DPP10: variants seen among roughly 807,000 people sequenced by gnomAD.
DPP10 encodes dipeptidyl peptidase like 10.
Under a neutral mutation model 120.9 loss-of-function variants are expected in DPP10, and 33 were observed. The observed-to-expected ratio is 0.27, with a 90% CI of 0.21 to 0.37. The LOEUF is 0.37. DPP10 is among the 10% of genes least tolerant of loss of function. DPP10 has a pLI of 1.00. For missense variants in DPP10, 816 were observed against 942.8 expected, an observed-to-expected ratio of 0.87 and a Z score of 1.76; for synonymous variants, 337 against 326.1, an observed-to-expected ratio of 1.03 and a Z score of -0.36.
intron 1 of DPP10, among the ~76,000 whole-genome samples, chr2:114,952,055 T>A (rs1450189077): frequency 6.6e-6 from 1 of 151,910 alleles, no homozygotes; most frequent in Non-Finnish European, 1.5e-5. Context: ...TTTACACATA[T>A]AATTTCGGTG....
At chr2:115,307,593 A>G (rs1468890269) in intron 1 of DPP10, among the ~76,000 whole-genome samples, 1 of 151,918 alleles carries the variant, frequency 6.6e-6, no homozygotes, top group African/African-American at 2.4e-5. Flanking sequence ...AGTATTTCCC[A>G]ACTTTCAGAC....
chr2:115,283,514 A>G (rs1198360699), intron 1 of DPP10, among the ~76,000 whole-genome samples: 3 of 152,050 alleles, frequency 2.0e-5, no homozygotes, highest in East Asian at 1.9e-4. Flanking sequence ...CTTGATAACT[A>G]TTGCTTATCT....
At chr2:115,379,062 C>T (rs1486787725) in intron 3 of DPP10, among the ~76,000 whole-genome samples, 1 of 152,182 alleles carries the variant, frequency 6.6e-6, no homozygotes, top group Non-Finnish European at 1.5e-5. Flanking sequence ...TGATGCTGGC[C>T]TCATAAAATG....
intron 2 of DPP10, among the ~76,000 whole-genome samples, chr2:115,328,617 G>A (rs1194037679): frequency 6.6e-6 from 1 of 151,998 alleles, no homozygotes; most frequent in East Asian, 1.9e-4. Flanking sequence ...GTTTGTATGG[G>A]TTTTGTGTGT....
chr2:115,335,060 G>A (rs2063040375), intron 2 of DPP10, among the ~76,000 whole-genome samples: 1 of 151,874 alleles, frequency 6.6e-6, no homozygotes, highest in Admixed American at 6.6e-5. Flanking sequence ...AATCATGGTG[G>A]AAGAAAAGGA....
At chr2:115,416,176 C>T (rs80106417) in intron 3 of DPP10, among the ~76,000 whole-genome samples, 1,624 of 152,022 alleles carry the variant, frequency 0.011, 23 homozygotes, top group Non-Finnish European at 0.015. Flanking sequence ...AATGGCCACC[C>T]CAATGGCTGT....
At chr2:114,497,038 T>C (rs185556512) in intron 1 of DPP10, among the ~76,000 whole-genome samples, 7,200 of 130,020 alleles carry the variant, frequency 0.055, 251 homozygotes, top group Middle Eastern at 0.12. Context: ...TATATATACA[T>C]ATATATGCAT....
intron 3 of DPP10, among the ~76,000 whole-genome samples, chr2:115,419,828 A>G (rs2069775606): frequency 6.6e-6 from 1 of 152,192 alleles, no homozygotes; most frequent in African/African-American, 2.4e-5. Context: ...TAAAACCATT[A>G]AAATGTCTCC....
intron 1 of DPP10, among the ~76,000 whole-genome samples, chr2:114,664,287 G>A (rs979644194): frequency 2.0e-5 from 3 of 151,742 alleles, no homozygotes. Flanking sequence ...AAAGCAAGCA[G>A]AAGAGTCATA....
At chr2:114,455,730 T>TTTA (rs1408219363) in intron 1 of DPP10, among the ~76,000 whole-genome samples, 744 of 17,114 alleles carry the variant, frequency 0.043, 8 homozygotes, top group Middle Eastern at 0.25. Flanking sequence ...AATTCATTTG[T>TTTA]TTTTTTTTTT....
chr2:114,598,771 G>A (rs1692130565), intron 1 of DPP10, among the ~76,000 whole-genome samples: 1 of 151,852 alleles, frequency 6.6e-6, no homozygotes. Context: ...GCTTCATTGG[G>A]GGCAGAATCT....
At chr2:114,852,048 A>G (rs1218248450) in intron 1 of DPP10, among the ~76,000 whole-genome samples, 1 of 150,354 alleles carries the variant, frequency 6.7e-6, no homozygotes, top group Non-Finnish European at 1.5e-5. Context: ...TCTGAATACA[A>G]CTCACCTTTG....
chr2:114,514,367 C>T (rs750425146), intron 1 of DPP10, among the ~76,000 whole-genome samples: 1 of 152,154 alleles, frequency 6.6e-6, no homozygotes, highest in Admixed American at 6.5e-5. Context: ...CCTTGGTGTC[C>T]TTAACCCTCA....
At chr2:114,563,477 T>C (rs993790207) in intron 1 of DPP10, among the ~76,000 whole-genome samples, 1 of 152,116 alleles carries the variant, frequency 6.6e-6, no homozygotes, top group African/African-American at 2.4e-5. Context: ...GACCGAGGAA[T>C]GGGCATGCCT....
intron 1 of DPP10, among the ~76,000 whole-genome samples, chr2:114,727,896 T>TAGA (rs1676495831): frequency 6.6e-6 from 1 of 152,186 alleles, no homozygotes; most frequent in Non-Finnish European, 1.5e-5. Context: ...GGTCAGCACA[T>TAGA]CACTTAAAAA....
At chr2:114,630,081 C>T (rs565932743) in intron 1 of DPP10, among the ~76,000 whole-genome samples, 262 of 152,070 alleles carry the variant, frequency 1.7e-3, no homozygotes, top group Non-Finnish European at 2.3e-3. Flanking sequence ...AAAATTTGGA[C>T]GATTATAAAT....
At chr2:115,439,188 T>C (rs113670311) in intron 3 of DPP10, among the ~76,000 whole-genome samples, 2 of 128,004 alleles carry the variant, frequency 1.6e-5, no homozygotes, top group African/African-American at 3.9e-5. Flanking sequence ...TGTGGAATAG[T>C]GGCTAAGATG....
chr2:114,665,993 G>A (rs1697893952), intron 1 of DPP10, among the ~76,000 whole-genome samples: 1 of 152,096 alleles, frequency 6.6e-6, no homozygotes, highest in African/African-American at 2.4e-5. Context: ...ACAGCCCATC[G>A]GGTCAGAACC....
intron 7 of DPP10, among the ~76,000 whole-genome samples, chr2:115,713,153 T>TA (rs762488108): frequency 1.5e-4 from 23 of 151,738 alleles, no homozygotes; most frequent in African/African-American, 3.9e-4. Flanking sequence ...AAAAAATAAT[T>TA]AAAAGAAATA....
Sources: gnomAD v4.1 joint callset for allele counts (sites outside exome capture counted in the v4.1 genomes callset) on GRCh38, gnomAD v4.1.1 for gene constraint, MANE v1.5 for transcripts, NCBI Gene and HGNC (gene_info 2026-07-23, HGNC 2026-07-21) for gene names.